Variants in DCAF6 observed in about 807,000 individuals in gnomAD.
DCAF6 encodes DDB1 and CUL4 associated factor 6, also known as DDB1- and CUL4-associated factor 6.
DCAF6 carries 54 observed loss-of-function variants against 125.1 expected under a neutral mutation model. That is an observed-to-expected ratio of 0.43 (90% CI 0.35 to 0.54). The LOEUF (loss-of-function observed/expected upper bound fraction) is 0.54. Ranked by LOEUF, DCAF6 falls within the 20% of genes least tolerant of loss-of-function variation. DCAF6 has a pLI of 0.01. For missense variants in DCAF6, 934 were observed against 1,161.7 expected (o/e 0.80, Z 2.85); for synonymous variants, 371 against 390.4 (o/e 0.95, Z 0.58).
At chr1:168,008,720 G>A (rs1273763723) in intron 10 of DCAF6, among the ~76,000 whole-genome samples, 1 of 151,804 alleles carries the variant, frequency 6.6e-6, no homozygotes, top group Non-Finnish European at 1.5e-5. Flanking sequence ...GCCCTTCCCT[G>A]TCTCTCTAGC....
chr1:168,063,931 AG>A, intron 18 of DCAF6, 172 bp downstream of exon 18: 1 of 544,948 alleles, frequency 1.8e-6, no homozygotes, highest in Non-Finnish European at 2.9e-6. Context: ...ATATTGTGAA[AG>A]ATCATTATTT....
upstream of DCAF6, among the ~76,000 whole-genome samples, chr1:167,932,808 CAAAAAAAAAA>C (rs965449372): frequency 5.5e-5 from 3 of 54,966 alleles, no homozygotes; most frequent in African/African-American, 1.7e-4. Flanking sequence ...GACTCTGTCT[CAAAAAAAAAA>C]AAAAAAAAAG....
chr1:168,036,098 G>T (rs969716302), intron 12 of DCAF6, among the ~76,000 whole-genome samples: 7 of 152,030 alleles, frequency 4.6e-5, no homozygotes, highest in African/African-American at 1.4e-4. Context: ...AAAAAACTTT[G>T]TAGTAGATAC....
chr1:167,974,608 G>C (rs1677854721), intron 3 of DCAF6, among the ~76,000 whole-genome samples: 1 of 152,066 alleles, frequency 6.6e-6, no homozygotes, highest in African/African-American at 2.4e-5. Flanking sequence ...TCATGATACT[G>C]TTCCTGTTGA....
intron 4 of DCAF6, among the ~76,000 whole-genome samples, chr1:167,976,484 T>C (rs776488031): frequency 6.6e-6 from 1 of 152,064 alleles, no homozygotes; most frequent in African/African-American, 2.4e-5. Context: ...AAATAAAAAA[T>C]AAAAATAAAG....
At chr1:168,038,137 CA>C (rs1346384304) in intron 12 of DCAF6, among the ~76,000 whole-genome samples, 4 of 152,044 alleles carry the variant, frequency 2.6e-5, no homozygotes, top group Non-Finnish European at 4.4e-5. Context: ...GTGTGATTTC[CA>C]TCTGAATCAA....
the DCAF6 span, among the ~76,000 whole-genome samples, chr1:167,927,931 A>G: frequency 6.6e-6 from 1 of 152,246 alleles, no homozygotes; most frequent in African/African-American, 2.4e-5. Context: ...ACAGAAAAAT[A>G]GCAGTAGCCA....
At chr1:168,053,113 C>T (rs561301691) in intron 17 of DCAF6, among the ~76,000 whole-genome samples, 2 of 152,188 alleles carry the variant, frequency 1.3e-5, no homozygotes, top group Non-Finnish European at 1.5e-5. Flanking sequence ...CTATCACCAT[C>T]ATTTGGGTCA....
chr1:167,875,563 C>T, the DCAF6 span, among the ~76,000 whole-genome samples: 6 of 152,198 alleles, frequency 3.9e-5, no homozygotes, highest in African/African-American at 7.2e-5. Flanking sequence ...ACAATAATAG[C>T]GCGCCTTTTA....
chr1:167,885,649 C>G, the DCAF6 span, among the ~76,000 whole-genome samples: 1 of 152,008 alleles, frequency 6.6e-6, no homozygotes. Flanking sequence ...CGGAGTCTCA[C>G]TCTGTCACCT....
At chr1:167,908,296 C>T in the DCAF6 span, among the ~76,000 whole-genome samples, 3 of 152,004 alleles carry the variant, frequency 2.0e-5, no homozygotes, top group African/African-American at 7.3e-5. Context: ...TGAAATAAGC[C>T]GGCCACAGAA....
chr1:167,986,977 G>A (rs994808008), intron 4 of DCAF6, among the ~76,000 whole-genome samples: 3 of 152,226 alleles, frequency 2.0e-5, no homozygotes, highest in African/African-American at 7.2e-5. Context: ...TGTTTTGAGA[G>A]TACATTTCGT....
rs79903199 is a variant in DCAF6, at chr1:167,986,067, T to A, written c.439-1428T>A. 7.9e-3 allele frequency among the ~76,000 whole-genome samples: 1,203 copies of A among 152,338 alleles called. 14 individuals carry two copies. Among genetic ancestry groups the A allele is most frequent in the African/African-American group, 0.027 (1,134 of 41,568 alleles). ...GTAATGATTTGTTCATTATTACTGA[T>A]GATTTAGTACTTTATTTTAGGAATA... On this transcript the variant is annotated intron_variant, in intron 4 of 21. Transcript: ENST00000367840.
the DCAF6 span, among the ~76,000 whole-genome samples, chr1:167,908,387 C>G: frequency 6.6e-6 from 1 of 151,962 alleles, no homozygotes; most frequent in Non-Finnish European, 1.5e-5. Flanking sequence ...AATGGTGATG[C>G]CTGAGGCTGG....
the DCAF6 span, among the ~76,000 whole-genome samples, chr1:167,889,003 C>T: frequency 6.6e-6 from 1 of 151,398 alleles, no homozygotes; most frequent in African/African-American, 2.4e-5. Context: ...TTAGGTTTTT[C>T]CAAATATAAT....
In DCAF6 at chr1:167,961,293, A is replaced by G. The variant is rs549305720; in HGVS notation, c.160-5336A>G. On this transcript the variant is annotated intron_variant, in intron 2 of 21. Transcript: ENST00000367840. The stretch of plus-strand genomic sequence containing the variant: ...AGTCTTGCTCTGTCGCCCAGGCTGG[A>G]GTGCAGTGGCGCGATCTCGGCTCAA... Among the ~76,000 whole-genome samples the G allele has an allele frequency of 3.3e-5, 5 of 151,948 alleles. No homozygotes were observed. In the East Asian group the frequency reaches 9.8e-4, roughly 30 times the overall value.
the DCAF6 span, among the ~76,000 whole-genome samples, chr1:167,875,715 C>G: frequency 6.6e-6 from 1 of 152,230 alleles, no homozygotes; most frequent in African/African-American, 2.4e-5. Flanking sequence ...CTTTGGGAGG[C>G]CGAGGTGGGC....
chr1:167,914,804 G>A, the DCAF6 span, among the ~76,000 whole-genome samples: 1 of 152,170 alleles, frequency 6.6e-6, no homozygotes, highest in Admixed American at 6.5e-5. Context: ...AATTTAAAAA[G>A]TCTTATTTAA....
chr1:168,009,345 C>CCCTCCCTT (rs1439621905), intron 10 of DCAF6, among the ~76,000 whole-genome samples: 15 of 127,946 alleles, frequency 1.2e-4, no homozygotes, highest in Middle Eastern at 4.1e-3. Flanking sequence ...CTTCCTTCCT[C>CCCTCCCTT]CCTTCCTTCC....
Sources: gnomAD v4.1 joint callset for allele counts (sites outside exome capture counted in the v4.1 genomes callset) on GRCh38, gnomAD v4.1.1 for gene constraint, MANE v1.5 for transcripts, NCBI Gene and HGNC (gene_info 2026-07-23, HGNC 2026-07-21) for gene names.